The following RPL31 variants were observed in gnomAD, a reference collection of about 807,000 sequenced individuals.
RPL31 encodes large ribosomal subunit protein eL31.
For synonymous variants in RPL31, 51 were observed against 55.0 expected (o/e 0.93, Z 0.32); for missense variants, 95 against 164.0 (o/e 0.58, Z 2.30).
chr2:101,007,826 A>G (rs576024231), downstream of RPL31: 6 of 1,613,458 alleles, frequency 3.7e-6, no homozygotes, highest in East Asian at 2.2e-5. Context: ...TCTTGCTACA[A>G]GTTACTCAGC....
chr2:101,004,977 G>A (rs1678666064), intron 3 of RPL31: 1 of 152,442 alleles, frequency 6.6e-6, no homozygotes, highest in Non-Finnish European at 1.5e-5. Flanking sequence ...CTGGAAACGG[G>A]TTGGGGGAGG....
rs1678634312 is a variant in RPL31, at chr2:101,004,098, C to T, written c.108-60C>T. ...CCTATCATCGACATTGAGGATTTCT[C>T]ACATGTACCTAATTTAGTTTTGTGC... On this transcript the variant is annotated intron_variant, in intron 2 of 4. Coordinates refer to ENST00000264258, the MANE Select transcript of RPL31 (RefSeq NM_000993.5). The T allele has an allele frequency of 2.1e-5, 33 of 1,570,754 alleles. No individual in the cohort carries two copies. The South Asian group carries it at 3.6e-4, about 17-fold the overall frequency.
chr2:101,004,365 C>T (rs1336081701), intron 3 of RPL31, 82 bp downstream of exon 3: 3 of 1,477,428 alleles, frequency 2.0e-6, no homozygotes, highest in Non-Finnish European at 2.8e-6. Context: ...CATATCAGTT[C>T]AGTAATTTGG....
intron 4 of RPL31, among the ~76,000 whole-genome samples, chr2:101,014,364 A>G (rs535141187): frequency 1.5e-4 from 23 of 152,284 alleles, no homozygotes; most frequent in Non-Finnish European, 2.4e-4. Context: ...GATGTAGCTG[A>G]TATCAGGACT....
downstream of RPL31, chr2:101,011,509 C>T (rs1422538424): frequency 6.8e-6 from 11 of 1,613,704 alleles, no homozygotes; most frequent in Admixed American, 1.7e-5. Context: ...TCCTCAACGG[C>T]GACTGGCTGT....
downstream of RPL31, chr2:101,011,516 C>T: frequency 6.2e-7 from 1 of 1,613,932 alleles, no homozygotes; most frequent in Non-Finnish European, 8.5e-7. Flanking sequence ...CGGCGACTGG[C>T]TGTCTCGGTC....
chr2:101,017,367 TAG>T (rs1326038104), intron 4 of RPL31, among the ~76,000 whole-genome samples: 4 of 152,196 alleles, frequency 2.6e-5, no homozygotes, highest in Non-Finnish European at 4.4e-5. Context: ...TACCCAGTAT[TAG>T]GTGTTACATG....
intron 4 of RPL31, among the ~76,000 whole-genome samples, chr2:101,015,242 AG>A (rs1679535879): frequency 6.6e-6 from 1 of 152,292 alleles, no homozygotes; most frequent in African/African-American, 2.4e-5. Context: ...ATGGTATAAA[AG>A]AAAAAAAAAT....
downstream of RPL31, chr2:101,008,184 G>A (rs1488403702): frequency 5.0e-6 from 8 of 1,613,278 alleles, no homozygotes; most frequent in Non-Finnish European, 6.8e-6. Context: ...GCAGTGTGGT[G>A]ACTGTGGCGA....
chr2:101,005,493 TAG>T (rs1162822189), intron 3 of RPL31: 5 of 155,252 alleles, frequency 3.2e-5, no homozygotes, highest in Non-Finnish European at 5.7e-5. Context: ...GCATTTTTAG[TAG>T]AGAGGGGTTT....
chr2:101,006,636 A>C lies in RPL31; in HGVS notation c.*255A>C. 2.5e-6 allele frequency: 1 copy of C among 396,872 alleles called. No individual in the cohort carries two copies. Among genetic ancestry groups the C allele is most frequent in the Non-Finnish European group, 4.5e-6 (1 of 224,710 alleles). 24.6% of individuals were successfully genotyped at this position (396,872 alleles called of 1,614,324 possible). A position where few individuals can be genotyped will look rare whatever the true frequency, so the allele number is the denominator to read the frequency against. On this transcript the variant is annotated 3_prime_UTR_variant, in exon 5 of 5. Transcript: ENST00000264258. ...GCATATTGTTAATTATTCTACTTGT[A>C]TGTTTTGCTAATTCTAAGATAAGCA...
chr2:101,008,359 AAAC>A (rs1678906344), downstream of RPL31: 5 of 1,058,488 alleles, frequency 4.7e-6, no homozygotes, highest in Non-Finnish European at 6.6e-6. Flanking sequence ...AGCTTTGAGA[AAAC>A]GACACAGTAT....
chr2:101,005,703 G>A, intron 3 of RPL31: 1 of 489,294 alleles, frequency 2.0e-6, no homozygotes, highest in Non-Finnish European at 3.6e-6. Context: ...CCAGATATCT[G>A]CTTAGGATTA....
chr2:101,008,130 T>C (rs1646512575), downstream of RPL31: 1 of 1,613,814 alleles, frequency 6.2e-7, no homozygotes, highest in African/African-American at 1.3e-5. Flanking sequence ...GGGAGCAGCT[T>C]CCAGAGCTGC....
At position 101,007,234 on chromosome 2, in the gene RPL31, C is replaced by CAA. The variant is rs959270159; in HGVS notation, c.*857_*858dup. The CAA allele has an allele frequency of 1.3e-5, 2 of 152,404 alleles. No homozygotes were observed. Among genetic ancestry groups the CAA allele is most frequent in the African/African-American group, 2.4e-5 (1 of 41,556 alleles). 9.4% of individuals were successfully genotyped at this position (152,404 alleles called of 1,614,324 possible). On this transcript the variant is annotated 3_prime_UTR_variant, in exon 5 of 5. Transcript: ENST00000264258. ...GTAAAAGAAAAGGACCAAGTAAATA[C>CAA]AAAAAGTTTCTTATTAAAAAACTTG...
intron 4 of RPL31, among the ~76,000 whole-genome samples, chr2:101,017,091 G>C (rs184697757): frequency 1.1e-5 from 1 of 92,942 alleles, no homozygotes; most frequent in South Asian, 3.0e-4. Flanking sequence ...AAAAAAAAAA[G>C]ACAAACACGC....
At position 101,006,390 on chromosome 2, in the gene RPL31, C is replaced by A. The variant is rs200360371; in HGVS notation, c.*9C>A. On this transcript the variant is annotated 3_prime_UTR_variant, in exon 5 of 5. Coordinates refer to ENST00000264258, the MANE Select transcript of RPL31 (RefSeq NM_000993.5). ...ATGTGGATGAGAACTAATCGCTGAT[C>A]GTCAGATCAAATAAAGTTATAAAAT... is the stretch of plus-strand genomic sequence containing the variant. 2.8e-5 allele frequency: 45 copies of A among 1,607,808 alleles called. No homozygotes were observed. Among genetic ancestry groups the A allele is most frequent in the Non-Finnish European group, 3.5e-5 (41 of 1,178,442 alleles).
chr2:101,010,078 G>A (rs954609405), downstream of RPL31, among the ~76,000 whole-genome samples: 1 of 151,790 alleles, frequency 6.6e-6, no homozygotes, highest in Non-Finnish European at 1.5e-5. Context: ...CACCCGCCTC[G>A]GCCTCCCAAA....
intron 3 of RPL31, chr2:101,004,592 G>C: frequency 2.6e-6 from 1 of 385,136 alleles, no homozygotes; most frequent in Non-Finnish European, 4.6e-6. Context: ...AAATCACTGT[G>C]AGCCCAGTGG....
Sources: gnomAD v4.1 joint callset for allele counts (sites outside exome capture counted in the v4.1 genomes callset) on GRCh38, gnomAD v4.1.1 for gene constraint, MANE v1.5 for transcripts, NCBI Gene and HGNC (gene_info 2026-07-23, HGNC 2026-07-21) for gene names.